The following PARVB variants were observed in gnomAD, a reference collection of about 807,000 sequenced individuals.
PARVB encodes parvin beta.
PARVB carries 46 observed loss-of-function variants against 47.0 expected under a neutral mutation model. The ratio of observed to expected loss-of-function variants is 0.98; its 90% CI spans 0.77 to 1.25. PARVB has a LOEUF of 1.25. Among genes scored for constraint, PARVB ranks in the 50% most tolerant of loss-of-function variants. The pLI is 0.00. For synonymous variants in PARVB, 196 were observed against 196.3 expected, an observed-to-expected ratio of 1.00 and a Z score of 0.01; for missense variants, 473 against 471.6, an observed-to-expected ratio of 1.00 and a Z score of -0.03.
At chr22:44,007,362 C>T (rs1470289062) in intron 2 of PARVB, among the ~76,000 whole-genome samples, 1 of 152,194 alleles carries the variant, frequency 6.6e-6, no homozygotes, top group Non-Finnish European at 1.5e-5. Flanking sequence ...GCATCAGGCT[C>T]TGCACTCCCA....
chr22:44,136,983 G>T (rs1306295931), intron 7 of PARVB, among the ~76,000 whole-genome samples: 1 of 152,220 alleles, frequency 6.6e-6, no homozygotes, highest in African/African-American at 2.4e-5. Flanking sequence ...AGTCTAAAAG[G>T]CTTCAAATCT....
intron 2 of PARVB, among the ~76,000 whole-genome samples, chr22:44,016,260 C>G (rs1458144781): frequency 6.6e-6 from 1 of 152,002 alleles, no homozygotes; most frequent in Non-Finnish European, 1.5e-5. Context: ...CCAGGCCCAG[C>G]TAATTTTTTG....
chr22:44,016,142 G>T (rs1218731644), intron 2 of PARVB, among the ~76,000 whole-genome samples: 2 of 143,528 alleles, frequency 1.4e-5, no homozygotes, highest in Admixed American at 1.5e-4. Context: ...TGTCGCCCAG[G>T]CTGGAGTGCA....
chr22:44,086,341 C>T (rs565081224), intron 1 of PARVB, among the ~76,000 whole-genome samples: 12 of 152,310 alleles, frequency 7.9e-5, no homozygotes, highest in Admixed American at 2.0e-4. Context: ...TTCCCATGTC[C>T]GGGCCAGGAG....
intron 7 of PARVB, among the ~76,000 whole-genome samples, chr22:44,138,484 CT>C (rs1378658967): frequency 3.2e-4 from 49 of 152,180 alleles, no homozygotes; most frequent in African/African-American, 1.1e-3. Context: ...CAGGTAGGTT[CT>C]CCTCAGGGCT....
chr22:44,164,418 C>T (rs1419162191), intron 12 of PARVB, among the ~76,000 whole-genome samples: 7 of 148,206 alleles, frequency 4.7e-5, no homozygotes, highest in African/African-American at 1.7e-4. Flanking sequence ...GTCCCCCCCC[C>T]GGCTCCTGTG....
chr22:44,056,123 C>T (rs2051306081), intron 1 of PARVB, among the ~76,000 whole-genome samples: 1 of 152,238 alleles, frequency 6.6e-6, no homozygotes, highest in African/African-American at 2.4e-5. Context: ...ACTTTGACCC[C>T]AATATGACGG....
At chr22:44,053,516 C>T (rs952692883) in intron 1 of PARVB, among the ~76,000 whole-genome samples, 17 of 152,194 alleles carry the variant, frequency 1.1e-4, no homozygotes, top group African/African-American at 3.9e-4. Context: ...TGGGAAAGCC[C>T]AGACTCACAG....
chr22:44,153,096 T>A lies in PARVB; in HGVS notation c.843+1545T>A, dbSNP rs1477258067. On this transcript the variant is annotated intron_variant, in intron 10 of 12. Coordinates refer to ENST00000338758, the MANE Select transcript of PARVB (RefSeq NM_013327.5). ...CATCACGGTCTGTTTTTAATGTATA[T>A]ATTTATTTGTGTATCGTTGGCCAAC... 3.3e-5 allele frequency: 5 copies of A among 152,314 alleles called. No individual in the cohort carries two copies. In the East Asian group the frequency reaches 5.8e-4, roughly 18 times the overall value. 9.4% of individuals were successfully genotyped at this position (152,314 alleles called of 1,614,324 possible). A position where few individuals can be genotyped will look rare whatever the true frequency, so the allele number is the denominator to read the frequency against.
chr22:44,123,457 G>A (rs111901729), intron 4 of PARVB, among the ~76,000 whole-genome samples: 4,091 of 152,234 alleles, frequency 0.027, 65 homozygotes, highest in Middle Eastern at 0.061. Context: ...TCCATTGGCT[G>A]GCCTGGAGTG....
At chr22:44,018,547 C>A (rs1014982178) in intron 2 of PARVB, among the ~76,000 whole-genome samples, 8 of 152,208 alleles carry the variant, frequency 5.3e-5, no homozygotes, top group African/African-American at 1.9e-4. Flanking sequence ...CAGTCATTCT[C>A]CAGGTTTTGG....
intron 1 of PARVB, among the ~76,000 whole-genome samples, chr22:44,064,247 A>G (rs2051475905): frequency 1.3e-5 from 2 of 152,230 alleles, no homozygotes; most frequent in African/African-American, 4.8e-5. Context: ...GCCGAAACCC[A>G]GCTGTTTGGA....
At chr22:44,128,183 C>T (rs1343329476) in intron 4 of PARVB, among the ~76,000 whole-genome samples, 1 of 152,210 alleles carries the variant, frequency 6.6e-6, no homozygotes, top group Admixed American at 6.5e-5. Flanking sequence ...GCAGTGCAGC[C>T]CTCAAGGTAG....
chr22:44,156,021 G>C (rs1414190995), intron 10 of PARVB, among the ~76,000 whole-genome samples: 1 of 152,022 alleles, frequency 6.6e-6, no homozygotes, highest in Non-Finnish European at 1.5e-5. Flanking sequence ...ATGGTGGCAC[G>C]CGCCTGTAAT....
At chr22:44,055,215 C>T (rs1318243760) in intron 1 of PARVB, among the ~76,000 whole-genome samples, 3 of 152,234 alleles carry the variant, frequency 2.0e-5, no homozygotes, top group East Asian at 1.9e-4. Flanking sequence ...CCATATGCCC[C>T]GTACCTCCTG....
At chr22:44,033,568 T>G (rs2050862283) in intron 1 of PARVB, among the ~76,000 whole-genome samples, 1 of 152,208 alleles carries the variant, frequency 6.6e-6, no homozygotes. Flanking sequence ...GGCCTGCTCC[T>G]TTAAGCTTTG....
chr22:44,037,998 TG>T (rs1345862452), intron 1 of PARVB, among the ~76,000 whole-genome samples: 1 of 152,218 alleles, frequency 6.6e-6, no homozygotes, highest in African/African-American at 2.4e-5. Flanking sequence ...GGCCTGGCCA[TG>T]GGGTCTTCGT....
intron 1 of PARVB, among the ~76,000 whole-genome samples, chr22:44,051,312 G>A (rs1478122294): frequency 1.3e-5 from 2 of 152,124 alleles, no homozygotes; most frequent in Non-Finnish European, 2.9e-5. Flanking sequence ...CACCCCGTCT[G>A]TTTGTAGGCG....
At chr22:44,046,687 C>T (rs1417683584) in intron 1 of PARVB, among the ~76,000 whole-genome samples, 1 of 152,228 alleles carries the variant, frequency 6.6e-6, no homozygotes, top group Non-Finnish European at 1.5e-5. Flanking sequence ...TTATTACTTT[C>T]ATAGTGTTGG....
Sources: gnomAD v4.1 joint callset for allele counts (sites outside exome capture counted in the v4.1 genomes callset) on GRCh38, gnomAD v4.1.1 for gene constraint, MANE v1.5 for transcripts, NCBI Gene and HGNC (gene_info 2026-07-23, HGNC 2026-07-21) for gene names.